Variants in CEP76 observed in about 807,000 individuals in gnomAD.
CEP76 encodes centrosomal protein of 76 kDa.
Under a neutral mutation model 83.3 loss-of-function variants are expected in CEP76, and 55 were observed. That is an observed-to-expected ratio of 0.66 (90% CI 0.53 to 0.83). CEP76 has a LOEUF of 0.83. Ranked by LOEUF, CEP76 falls within the 40% of genes least tolerant of loss-of-function variation. CEP76 has a pLI of 0.00. For missense variants in CEP76, 694 were observed against 799.5 expected (o/e 0.87, Z 1.59); for synonymous variants, 270 against 274.5 (o/e 0.98, Z 0.16).
At chr18:12,683,885 G>A (rs2039442907) in intron 8 of CEP76, among the ~76,000 whole-genome samples, 1 of 151,542 alleles carries the variant, frequency 6.6e-6, no homozygotes, top group Admixed American at 6.6e-5. Flanking sequence ...TACATATACA[G>A]CAGAAAAAAT....
At chr18:12,676,036 TTACAAA>T (rs2039118169) in intron 10 of CEP76, among the ~76,000 whole-genome samples, 1 of 152,132 alleles carries the variant, frequency 6.6e-6, no homozygotes, top group Non-Finnish European at 1.5e-5. Flanking sequence ...AATAATAATA[TTACAAA>T]TACAAAAAAT....
downstream of CEP76, among the ~76,000 whole-genome samples, chr18:12,669,262 G>A (rs570645716): frequency 3.3e-5 from 5 of 151,778 alleles, no homozygotes; most frequent in African/African-American, 7.2e-5. Context: ...ACAGGCATGC[G>A]CCACCATGCC....
chr18:12,687,972 G>A (rs1484876245), intron 7 of CEP76, among the ~76,000 whole-genome samples: 1 of 151,854 alleles, frequency 6.6e-6, no homozygotes, highest in East Asian at 1.9e-4. Flanking sequence ...GGCTGGGCAC[G>A]GTGGCTCACG....
downstream of CEP76, chr18:12,672,582 A>C (rs1212886179): frequency 1.2e-6 from 1 of 864,164 alleles, no homozygotes; most frequent in Non-Finnish European, 1.4e-6. Flanking sequence ...CAGAAGATAG[A>C]ATCCATGAAG....
chr18:12,675,578 G>C (rs988540162), intron 10 of CEP76, among the ~76,000 whole-genome samples: 1 of 152,082 alleles, frequency 6.6e-6, no homozygotes, highest in African/African-American at 2.4e-5. Flanking sequence ...TACTGTAAGA[G>C]ATAAAAAGAT....
Position 12,673,012 on chromosome 18 carries a change from C to G in CEP76, c.*353G>C, listed in dbSNP as rs1598612515. 9.9e-7 allele frequency: 1 copy of G among 1,006,234 alleles called. No homozygotes were observed. Among genetic ancestry groups the G allele is most frequent in the Non-Finnish European group, 1.2e-6 (1 of 844,258 alleles). 62.3% of individuals were successfully genotyped at this position (1,006,234 alleles called of 1,614,324 possible). On this transcript the variant is annotated 3_prime_UTR_variant, in exon 12 of 12. Transcript: ENST00000262127. ...TGATCATACTGATTTGTCTAGGGCT[C>G]AAACCCTTAGACAAACATCTCTTTG...
intron 10 of CEP76, among the ~76,000 whole-genome samples, chr18:12,675,771 C>T (rs376909703): frequency 2.6e-5 from 4 of 151,756 alleles, no homozygotes; most frequent in African/African-American, 9.7e-5. Flanking sequence ...CAGGTTCAAG[C>T]GATTCTCCTG....
chr18:12,671,642 C>CTTTTTTTTTT (rs869130220), downstream of CEP76, among the ~76,000 whole-genome samples: 5 of 55,544 alleles, frequency 9.0e-5, no homozygotes, highest in African/African-American at 2.0e-4. Context: ...TTCACACTTT[C>CTTTTTTTTTT]TTTTTTTTTT....
chr18:12,688,921 T>G (rs1172975618), intron 7 of CEP76, among the ~76,000 whole-genome samples: 1 of 152,076 alleles, frequency 6.6e-6, no homozygotes, highest in Non-Finnish European at 1.5e-5. Flanking sequence ...GAGACCATCC[T>G]GGCTAACACA....
chr18:12,691,149 A>G (rs999736343), intron 7 of CEP76: 3 of 399,522 alleles, frequency 7.5e-6, no homozygotes, highest in Admixed American at 4.3e-5. Flanking sequence ...AAAAACCCAC[A>G]ATAACTGAAA....
At chr18:12,679,072 G>A (rs1017354030) in intron 9 of CEP76, 5 of 152,098 alleles carry the variant, frequency 3.3e-5, no homozygotes, top group Non-Finnish European at 5.9e-5. Flanking sequence ...AAGAGGACTC[G>A]GGAATGAAAA....
intron 8 of CEP76, among the ~76,000 whole-genome samples, chr18:12,682,868 C>T (rs1458517577): frequency 6.6e-6 from 1 of 150,664 alleles, no homozygotes; most frequent in East Asian, 2.0e-4. Context: ...GTGATCCACC[C>T]ACCTCGGCCT....
rs749740623 is a variant in CEP76 at position 12,678,121 on chromosome 18, T to C, written c.1611A>G (p.Ser537=). The C allele has an allele frequency of 6.2e-7, 1 of 1,610,988 alleles. No individual in the cohort carries two copies. The highest frequency in any genetic ancestry group is 8.5e-7 in the Non-Finnish European group (1 of 1,177,138). The part of the protein sequence containing the change: ...EIEMQLRLLV[S]EHRKDLGLTT... ...CAGTGTGAATTACCTTCCTGTGTTC[T>C]GACACCAGGAGCCTCAGCTGCATTT... The change falls in exon 10 of 12, where the codon TCA becomes TCG. Residue 537 remains serine (S), a synonymous_variant. Coordinates refer to ENST00000262127, the MANE Select transcript of CEP76 (RefSeq NM_024899.4).
chr18:12,680,244 A>ATCAACACG (rs1359021491), intron 9 of CEP76, among the ~76,000 whole-genome samples: 2 of 152,144 alleles, frequency 1.3e-5, no homozygotes, highest in Non-Finnish European at 2.9e-5. Flanking sequence ...AACTAAAATC[A>ATCAACACG]TCAACACGTA....
chr18:12,698,328 G>C (rs111448774), intron 4 of CEP76, among the ~76,000 whole-genome samples: 1 of 151,780 alleles, frequency 6.6e-6, no homozygotes, highest in Non-Finnish European at 1.5e-5. Flanking sequence ...CACCATGCCC[G>C]GCTAGAAATT....
downstream of CEP76, among the ~76,000 whole-genome samples, chr18:12,669,512 G>A (rs149088582): frequency 5.3e-3 from 806 of 152,034 alleles, 10 homozygotes; most frequent in African/African-American, 0.018. Flanking sequence ...GAAAAATGAA[G>A]TTTCTGGTTT....
At position 12,695,027 on chromosome 18, in the gene CEP76, C is replaced by T. The variant is rs148258293; in HGVS notation, c.804+227G>A. On this transcript the variant is annotated intron_variant, in intron 6 of 11. Coordinates refer to ENST00000262127, the MANE Select transcript of CEP76 (RefSeq NM_024899.4). ...ACCGGCCTATCCTGTAATTCTTATG[C>T]TGTCTCAATAAATGTTCATCGTATT... 1.5e-3 allele frequency among the ~76,000 whole-genome samples: 231 copies of T among 152,222 alleles called. 1 individual carries two copies. The highest frequency in any genetic ancestry group is 5.4e-3 in the African/African-American group (224 of 41,564).
Position 12,673,484 on chromosome 18 carries a change from T to C in CEP76, c.1861A>G (p.Ile621Val). The C allele has an allele frequency of 6.3e-7, 1 of 1,584,066 alleles. No homozygotes were observed. The highest frequency in any genetic ancestry group is 8.5e-7 in the Non-Finnish European group (1 of 1,171,372). Residue 621 changes from isoleucine (I) to valine (V), a missense_variant, in exon 12 of 12, where the codon ATA (isoleucine) becomes GTA (valine). Physicochemically the swap from Ile to Val is conservative, Grantham distance 29 (BLOSUM62 3). Coordinates refer to ENST00000262127, the MANE Select transcript of CEP76 (RefSeq NM_024899.4). ...ACTTGGTCTCCACGGCAACAGATTA[T>C]TTCTTCACAGAAAGGAGATCTATTT... is the stretch of plus-strand genomic sequence containing the variant. ...TCLRSPFCEE[I>V]ICCRGDQVRL...
At chr18:12,694,951 G>A (rs931978020) in intron 6 of CEP76, among the ~76,000 whole-genome samples, 4 of 151,626 alleles carry the variant, frequency 2.6e-5, no homozygotes, top group African/African-American at 9.7e-5. Context: ...TCCTGACCTT[G>A]TGATCCGCCC....
Sources: gnomAD v4.1 joint callset for allele counts (sites outside exome capture counted in the v4.1 genomes callset) on GRCh38, gnomAD v4.1.1 for gene constraint, MANE v1.5 for transcripts, NCBI Gene and HGNC (gene_info 2026-07-23, HGNC 2026-07-21) for gene names.